Variants in B3GALT1 observed in about 807,000 individuals in gnomAD.
B3GALT1 encodes the protein beta-1,3-galactosyltransferase 1.
Under a neutral mutation model 23.2 loss-of-function variants are expected in B3GALT1, and 10 were observed. That is an observed-to-expected ratio of 0.43 (90% CI 0.27 to 0.73). The LOEUF is 0.73. Among genes scored for constraint, B3GALT1 ranks in the 30% least tolerant of loss-of-function variants. B3GALT1 has a pLI of 0.21. For missense variants in B3GALT1, 299 were observed against 405.4 expected, an observed-to-expected ratio of 0.74 and a Z score of 2.25; for synonymous variants, 156 against 141.5, an observed-to-expected ratio of 1.10 and a Z score of -0.73.
intron 3 of B3GALT1, among the ~76,000 whole-genome samples, chr2:167,648,763 T>C (rs1362063657): frequency 6.6e-6 from 1 of 152,140 alleles, no homozygotes; most frequent in Non-Finnish European, 1.5e-5. Flanking sequence ...AACTATTTCA[T>C]CCGGTAGCCC....
At chr2:167,326,232 T>G (rs965898250) in intron 1 of B3GALT1, among the ~76,000 whole-genome samples, 3 of 151,588 alleles carry the variant, frequency 2.0e-5, no homozygotes, top group Admixed American at 1.3e-4. Flanking sequence ...TTCATATGTC[T>G]TCTTTTGAGA....
At chr2:167,787,275 T>A (rs1286778528) in intron 3 of B3GALT1, among the ~76,000 whole-genome samples, 1 of 152,202 alleles carries the variant, frequency 6.6e-6, no homozygotes, top group East Asian at 1.9e-4. Flanking sequence ...AGCACCTATC[T>A]TGTAGGGCTG....
At chr2:167,494,534 C>T (rs1699751805) in intron 2 of B3GALT1, among the ~76,000 whole-genome samples, 1 of 151,980 alleles carries the variant, frequency 6.6e-6, no homozygotes, top group Non-Finnish European at 1.5e-5. Flanking sequence ...GACTCTATAA[C>T]TGTATGTTTG....
chr2:167,792,578 G>A (rs541637042), intron 3 of B3GALT1, among the ~76,000 whole-genome samples: 11 of 152,264 alleles, frequency 7.2e-5, no homozygotes, highest in Admixed American at 3.3e-4. Context: ...TCCTAAAAGA[G>A]CATTTTAGGA....
At chr2:167,819,107 T>C (rs547777725) in intron 4 of B3GALT1, among the ~76,000 whole-genome samples, 37 of 152,324 alleles carry the variant, frequency 2.4e-4, no homozygotes, top group Non-Finnish European at 5.1e-4. Context: ...TAAAAGAGTG[T>C]CTTTTTAAAA....
chr2:167,761,291 C>T (rs1283613507), intron 3 of B3GALT1, among the ~76,000 whole-genome samples: 1 of 152,152 alleles, frequency 6.6e-6, no homozygotes, highest in East Asian at 1.9e-4. Context: ...TCCCTCAGAA[C>T]ATTGCTGCAG....
chr2:167,777,409 C>T (rs1333581833), intron 3 of B3GALT1, among the ~76,000 whole-genome samples: 4 of 152,154 alleles, frequency 2.6e-5, no homozygotes, highest in East Asian at 1.9e-4. Context: ...TGCAATGGCA[C>T]GATCTCGGCT....
chr2:167,802,402 G>GT (rs1197132953), intron 3 of B3GALT1, among the ~76,000 whole-genome samples: 2 of 152,246 alleles, frequency 1.3e-5, no homozygotes, highest in South Asian at 2.1e-4. Flanking sequence ...TTGTGTGGTT[G>GT]TTTTTTATCA....
At chr2:167,723,647 T>C (rs1394170283) in intron 3 of B3GALT1, among the ~76,000 whole-genome samples, 2 of 151,920 alleles carry the variant, frequency 1.3e-5, no homozygotes, top group South Asian at 2.1e-4. Flanking sequence ...TCTCCTGTCT[T>C]AGCCCCTCGA....
intron 3 of B3GALT1, among the ~76,000 whole-genome samples, chr2:167,684,801 T>C (rs1686590198): frequency 6.6e-6 from 1 of 152,236 alleles, no homozygotes; most frequent in Non-Finnish European, 1.5e-5. Flanking sequence ...CTAATGGTGA[T>C]GGCAACAGCT....
At chr2:167,797,193 C>T (rs925931951) in intron 3 of B3GALT1, among the ~76,000 whole-genome samples, 35 of 152,188 alleles carry the variant, frequency 2.3e-4, no homozygotes, top group African/African-American at 8.4e-4. Context: ...GTGTTCTCAT[C>T]ATTAGCTCCC....
intron 4 of B3GALT1, among the ~76,000 whole-genome samples, chr2:167,842,070 A>T (rs1254938471): frequency 6.6e-6 from 1 of 152,244 alleles, no homozygotes; most frequent in African/African-American, 2.4e-5. Flanking sequence ...GAACTGGGCT[A>T]TATAAAGACA....
intron 2 of B3GALT1, among the ~76,000 whole-genome samples, chr2:167,563,438 G>T (rs1300909714): frequency 2.3e-5 from 3 of 127,834 alleles, no homozygotes; most frequent in Admixed American, 1.5e-4. Context: ...TCCCGGACAG[G>T]GGCGGCTGGC....
chr2:167,689,654 G>A (rs1171088212), intron 3 of B3GALT1, among the ~76,000 whole-genome samples: 1 of 152,100 alleles, frequency 6.6e-6, no homozygotes, highest in Non-Finnish European at 1.5e-5. Context: ...GCCTTTAAGA[G>A]GATCTTCCTG....
chr2:167,328,010 G>A (rs1014662770), intron 1 of B3GALT1, among the ~76,000 whole-genome samples: 3 of 152,190 alleles, frequency 2.0e-5, no homozygotes, highest in Admixed American at 6.5e-5. Context: ...CTGGTGATGT[G>A]ATGTATTACA....
At chr2:167,601,696 G>GA (rs1327764308) in intron 2 of B3GALT1, among the ~76,000 whole-genome samples, 1 of 152,166 alleles carries the variant, frequency 6.6e-6, no homozygotes, top group Non-Finnish European at 1.5e-5. Flanking sequence ...AAATGTATTA[G>GA]AAAAAGCCCA....
chr2:167,521,514 G>C (rs1474906088), intron 2 of B3GALT1, among the ~76,000 whole-genome samples: 1 of 151,864 alleles, frequency 6.6e-6, no homozygotes, highest in Non-Finnish European at 1.5e-5. Context: ...TTTTATATTA[G>C]AAATAATATG....
intron 3 of B3GALT1, among the ~76,000 whole-genome samples, chr2:167,758,257 C>G (rs974569877): frequency 5.3e-5 from 8 of 152,074 alleles, no homozygotes; most frequent in African/African-American, 1.7e-4. Context: ...CAAGCATAGT[C>G]TTTGGTTGTA....
intron 3 of B3GALT1, among the ~76,000 whole-genome samples, chr2:167,719,691 G>A (rs1687202034): frequency 6.6e-6 from 1 of 152,202 alleles, no homozygotes; most frequent in Admixed American, 6.5e-5. Context: ...CCAGCACTTT[G>A]GGAGGCCGAG....
Sources: allele counts gnomAD v4.1 joint callset (sites outside exome capture counted in the v4.1 genomes callset), GRCh38; gene constraint gnomAD v4.1.1; transcripts MANE v1.5; gene names NCBI Gene and HGNC (gene_info 2026-07-23, HGNC 2026-07-21).